EBF4: variants seen among roughly 807,000 people sequenced by gnomAD.
EBF4 encodes EBF transcription factor 4.
EBF4 carries 34 observed loss-of-function variants against 67.1 expected under a neutral mutation model. That is an observed-to-expected ratio of 0.51 (90% CI 0.39 to 0.67). The LOEUF (loss-of-function observed/expected upper bound fraction) is 0.67, where lower values mean the gene tolerates loss of function less well. Among genes scored for constraint, EBF4 ranks in the 30% least tolerant of loss-of-function variants. EBF4 has a pLI of 0.00. For missense variants in EBF4, 837 were observed against 873.3 expected, an observed-to-expected ratio of 0.96 and a Z score of 0.52; for synonymous variants, 387 against 377.7, an observed-to-expected ratio of 1.02 and a Z score of -0.29.
chr20:2,699,098 G>A (rs556729714), intron 1 of EBF4, among the ~76,000 whole-genome samples: 9 of 152,276 alleles, frequency 5.9e-5, no homozygotes, highest in Non-Finnish European at 8.8e-5. Flanking sequence ...AGCAGCTGCC[G>A]CGAAAAGGGC....
At chr20:2,732,313 G>A (rs1232052128) in intron 6 of EBF4, among the ~76,000 whole-genome samples, 2 of 152,054 alleles carry the variant, frequency 1.3e-5, no homozygotes, top group Non-Finnish European at 2.9e-5. Flanking sequence ...GTTGAGACGG[G>A]GTTTCACCAT....
intron 10 of EBF4, 37 bp downstream of exon 10, chr20:2,750,010 C>A (rs764536167): frequency 2.6e-6 from 4 of 1,520,528 alleles, no homozygotes; most frequent in Middle Eastern, 1.7e-4. Context: ...GTCTAAGGTG[C>A]GCGGAGGGAG....
chr20:2,693,509 C>A, upstream of EBF4: 1 of 1,070,416 alleles, frequency 9.3e-7, no homozygotes, highest in Non-Finnish European at 1.2e-6. The surrounding 1 kb of genome is among the most constrained non-coding windows in gnomAD (Gnocchi z 4.6). Context: ...AAGAGGCGAG[C>A]GCGCACTGAG....
intron 6 of EBF4, among the ~76,000 whole-genome samples, chr20:2,736,366 T>C (rs758670886): frequency 4.6e-5 from 7 of 152,196 alleles, no homozygotes; most frequent in African/African-American, 7.2e-5. Flanking sequence ...GTCTACTCTA[T>C]TGGGGGCAAA....
At position 2,752,208 on chromosome 20, in the gene EBF4, CT is replaced by C; in HGVS notation, c.1298del (p.Phe433SerfsTer114). ...ACCCCGCCGTCGTGGGCATCAACGCCTTCAGCAGCCCGCTGGCCATCGCCGT... is the reference window on the plus strand; with the variant it reads ...ACCCCGCCGTCGTGGGCATCAACGCCTCAGCAGCCCGCTGGCCATCGCCGT... On this transcript the variant is annotated frameshift_variant, in exon 13 of 17. Transcript: ENST00000609451. LOFTEE classifies it high-confidence loss of function. 2 of 1,410,060 alleles carry C rather than the reference CT, an allele frequency of 1.4e-6. No homozygotes were observed. Among genetic ancestry groups the C allele is most frequent in the South Asian group, 1.5e-5 (1 of 67,414 alleles). 87.3% of individuals were successfully genotyped at this position (1,410,060 alleles called of 1,614,324 possible). A position where few individuals can be genotyped will look rare whatever the true frequency, so the allele number is the denominator to read the frequency against.
chr20:2,735,329 T>C (rs1230880602), intron 6 of EBF4, among the ~76,000 whole-genome samples: 1 of 152,170 alleles, frequency 6.6e-6, no homozygotes, highest in Non-Finnish European at 1.5e-5. Context: ...ACTACAATAG[T>C]GGTTGCAAGG....
At chr20:2,709,670 G>A in intron 6 of EBF4, 28 bp downstream of exon 6, 2 of 1,509,126 alleles carry the variant, frequency 1.3e-6, no homozygotes, top group Admixed American at 2.0e-5. Flanking sequence ...GGGCCTGGAA[G>A]CTCAGAGGAG....
At chr20:2,704,585 C>T (rs2087424383) in intron 1 of EBF4, among the ~76,000 whole-genome samples, 1 of 152,234 alleles carries the variant, frequency 6.6e-6, no homozygotes. Context: ...ATCTGTTGAG[C>T]TCCTGTTTAT....
chr20:2,733,172 T>G (rs1444862151), intron 6 of EBF4, among the ~76,000 whole-genome samples: 1 of 152,244 alleles, frequency 6.6e-6, no homozygotes, highest in Admixed American at 6.5e-5. Context: ...ATAGTTTTGC[T>G]GGACATGCAA....
At chr20:2,749,923 A>G (rs972572080) in exon 10 of EBF4, 1 of 1,551,288 alleles carries the variant, frequency 6.4e-7, no homozygotes, top group Non-Finnish European at 8.7e-7. Context: ...ACCCTCTCCT[A>G]CAAGTCCAAG....
At chr20:2,759,325 AC>A (rs1568592213) in exon 17 of EBF4, 1 of 331,232 alleles carries the variant, frequency 3.0e-6, no homozygotes, top group South Asian at 4.5e-5. Context: ...TCACAGCCAC[AC>A]CCCGGATGGT....
chr20:2,735,967 A>T (rs550001300), intron 6 of EBF4, among the ~76,000 whole-genome samples: 1 of 152,364 alleles, frequency 6.6e-6, no homozygotes, highest in South Asian at 2.1e-4. Context: ...GCAATGATGA[A>T]AATATTCTGT....
In EBF4 at chr20:2,745,678, T is replaced by TG. The variant is rs2088039167; in HGVS notation, c.558-2867dup. Among the ~76,000 whole-genome samples, 2 of 152,048 alleles carry TG rather than the reference T, an allele frequency of 1.3e-5. No individual in the cohort carries two copies. Among genetic ancestry groups the TG allele is most frequent in the South Asian group, 4.1e-4 (2 of 4,828 alleles). ...GTGAGGGAGCAGGAAACCACAGCCT[T>TG]GGGGAGGGCAGAAGTAAAGGATGTC... On this transcript the variant is annotated intron_variant, in intron 6 of 16. Coordinates refer to ENST00000609451, the Ensembl canonical transcript of EBF4. The surrounding 1 kb of genome is among the most constrained non-coding windows in gnomAD (Gnocchi z 5.2).
rs766334547 is a variant in EBF4 at position 2,706,042 on chromosome 20, G to C, written c.358+5G>C. On this transcript the variant is annotated splice_donor_5th_base_variant and intron_variant, in intron 3 of 16. Coordinates refer to ENST00000609451, the Ensembl canonical transcript of EBF4. ...TCCGGCTGGTGTATAACAATGGTGA[G>C]TGGAGGCCCCTGCCCTACCCAGCCC... 3.2e-6 allele frequency: 5 copies of C among 1,551,606 alleles called. No homozygotes were observed. Among genetic ancestry groups the C allele is most frequent in the Non-Finnish European group, 4.4e-6 (5 of 1,146,964 alleles).
chr20:2,752,406 C>A (rs1478434412), exon 14 of EBF4: 1 of 1,285,746 alleles, frequency 7.8e-7, no homozygotes, highest in Non-Finnish European at 9.8e-7. Flanking sequence ...TCGCGCCCAG[C>A]CCCGGCTCGC....
intron 1 of EBF4, among the ~76,000 whole-genome samples, 172 bp from the exon 2 acceptor site, chr20:2,705,405 A>C (rs950025601): frequency 6.6e-6 from 1 of 152,122 alleles, no homozygotes; most frequent in Admixed American, 6.5e-5. Context: ...CTCTATCTGG[A>C]AGCGAGATGG....
intron 6 of EBF4, among the ~76,000 whole-genome samples, chr20:2,728,524 G>A (rs1333476793): frequency 1.3e-5 from 2 of 152,144 alleles, no homozygotes; most frequent in East Asian, 3.8e-4. Context: ...AGAGGTTCGG[G>A]GGCGGGGGGT....
At chr20:2,693,124 G>C (rs1309370055), upstream of EBF4, 1 of 154,194 alleles carries the variant, frequency 6.5e-6, no homozygotes, top group East Asian at 2.0e-4. The surrounding 1 kb of genome is among the most constrained non-coding windows in gnomAD (Gnocchi z 4.6). Context: ...CGAGCTCCGC[G>C]CCCGCAGCCT....
In EBF4 at chr20:2,744,167, G is replaced by A. The variant is rs552202008; in HGVS notation, c.558-4382G>A. On this transcript the variant is annotated intron_variant, in intron 6 of 16. Transcript: ENST00000609451. ...GTGATCTCAGCTCACTGCAACCTCC[G>A]CCTCCCGGGTTCAAGTGATTCTCCT... Among the ~76,000 whole-genome samples the A allele has an allele frequency of 2.1e-3, 320 of 149,068 alleles. 2 individuals carry two copies. The highest frequency in any genetic ancestry group is 7.5e-3 in the African/African-American group (301 of 40,368).
Sources: allele counts gnomAD v4.1 joint callset (sites outside exome capture counted in the v4.1 genomes callset), GRCh38; gene constraint gnomAD v4.1.1; non-coding constraint Gnocchi (gnomAD v3.1); transcripts MANE v1.5; gene names NCBI Gene and HGNC (gene_info 2026-07-23, HGNC 2026-07-21).